Variants in KRIT1 observed in about 807,000 individuals in gnomAD.
KRIT1 encodes the protein KRIT1 ankyrin repeat containing.
In KRIT1, 45 loss-of-function variants were observed where a neutral mutation model predicts 95.8. That is an observed-to-expected ratio of 0.47 (90% CI 0.37 to 0.60). The LOEUF is 0.60. KRIT1 is among the 20% of genes least tolerant of loss of function. The pLI is 0.00. For missense variants in KRIT1, 788 were observed against 877.5 expected, an observed-to-expected ratio of 0.90 and a Z score of 1.29; for synonymous variants, 282 against 278.8, an observed-to-expected ratio of 1.01 and a Z score of -0.11.
intron 1 of KRIT1, chr7:92,245,488 G>C (rs1276394938): frequency 6.6e-6 from 1 of 150,952 alleles, no homozygotes; most frequent in East Asian, 1.9e-4. Flanking sequence ...CGCTGGAGTC[G>C]AACTTGCTCC....
At chr7:92,224,388 G>C (rs1795785940) in intron 12 of KRIT1, among the ~76,000 whole-genome samples, 1 of 151,954 alleles carries the variant, frequency 6.6e-6, no homozygotes, top group Admixed American at 6.6e-5. Flanking sequence ...CCTAAGCCTA[G>C]AAGGTTGAGG....
chr7:92,225,642 T>C lies in KRIT1; in HGVS notation c.1254+78A>G, dbSNP rs1051563141. 6 of 863,636 alleles carry C rather than the reference T, an allele frequency of 6.9e-6. No individual in the cohort carries two copies. In the African/African-American group the frequency reaches 1.0e-4, roughly 14 times the overall value. The allele number at this position is 863,636 out of a possible 1,614,324, so 53.5% of individuals were successfully genotyped here. Reference sequence around the variant, plus strand: ...AGAAGCCATCTAATCGTCTTTCCACTCTTGCCACAGATCCTCAAATTTAAA... The same window carrying C: ...AGAAGCCATCTAATCGTCTTTCCACCCTTGCCACAGATCCTCAAATTTAAA... On this transcript the variant is annotated intron_variant, in intron 12 of 18. Coordinates refer to ENST00000394505, the MANE Select transcript of KRIT1 (RefSeq NM_194454.3).
intron 14 of KRIT1, among the ~76,000 whole-genome samples, chr7:92,220,265 C>A (rs1252205366): frequency 6.6e-6 from 1 of 152,148 alleles, no homozygotes; most frequent in African/African-American, 2.4e-5. Flanking sequence ...AAATGCCTTT[C>A]TGCATCAATT....
At chr7:92,208,545 A>G (rs1792066554) in intron 17 of KRIT1, among the ~76,000 whole-genome samples, 1 of 152,158 alleles carries the variant, frequency 6.6e-6, no homozygotes, top group Admixed American at 6.5e-5. Context: ...CTGAGACCAC[A>G]GAAATAACAA....
Position 92,221,886 on chromosome 7 carries a change from A to G in KRIT1, c.1563+16T>C. On this transcript the variant is annotated intron_variant, in intron 14 of 18. Transcript: ENST00000394505. ...TTGTGCATTTAAATAACTGTAAATA[A>G]GATTTCCAAGCAAACCTGTTTTTCA... 5.0e-6 allele frequency: 8 copies of G among 1,609,478 alleles called. No homozygotes were observed. The highest frequency in any genetic ancestry group is 6.8e-6 in the Non-Finnish European group (8 of 1,176,668).
intron 8 of KRIT1, 56 bp from the exon 9 acceptor site, chr7:92,234,979 T>G (rs769800044): frequency 3.6e-6 from 3 of 828,414 alleles, no homozygotes; most frequent in Non-Finnish European, 4.2e-6. Context: ...TCTTAATGTT[T>G]ACATGTTTAT....
chr7:92,214,469 A>AT (rs1312330183), intron 15 of KRIT1, 142 bp downstream of exon 15: 3 of 652,064 alleles, frequency 4.6e-6, no homozygotes, highest in Admixed American at 6.1e-5. Context: ...TTAGTATAAT[A>AT]TTTTTTCTCA....
chr7:92,239,307 T>C (rs1799078968), intron 5 of KRIT1, among the ~76,000 whole-genome samples: 1 of 152,230 alleles, frequency 6.6e-6, no homozygotes, highest in Non-Finnish European at 1.5e-5. Context: ...TAAATGGACC[T>C]AGTGGCTGAG....
At position 92,234,722 on chromosome 7, in the gene KRIT1, C is replaced by T. The variant is rs1798032374; in HGVS notation, c.845+86G>A. On this transcript the variant is annotated intron_variant, in intron 9 of 18. Transcript: ENST00000394505. ...AACTCAATAGTGACTACAATGCATA[C>T]AAATTGCATATATAATTTTAAACAA... 3.6e-6 allele frequency: 4 copies of T among 1,096,466 alleles called. No individual in the cohort carries two copies. In the Admixed American group the frequency reaches 6.8e-5, roughly 19 times the overall value. The allele number at this position is 1,096,466 out of a possible 1,614,324, so 67.9% of individuals were successfully genotyped here.
intron 17 of KRIT1, chr7:92,206,938 C>CAAAAA (rs199771149): frequency 1.9e-4 from 14 of 73,760 alleles, no homozygotes; most frequent in African/African-American, 3.6e-4. Context: ...CCCAGGCAGA[C>CAAAAA]AAAAAAAAAA....
chr7:92,235,437 G>C lies in KRIT1; in HGVS notation c.695C>G (p.Pro232Arg). The C allele has an allele frequency of 6.2e-7, 1 of 1,613,722 alleles. No individual in the cohort carries two copies. Among genetic ancestry groups the C allele is most frequent in the Non-Finnish European group, 8.5e-7 (1 of 1,179,706 alleles). The change falls in exon 8 of 19, where the codon CCT (proline) becomes CGT (arginine). Residue 232 changes from proline (P) to arginine (R), a missense_variant. Pro to Arg is a moderately radical substitution (Grantham distance 103). Around this residue, in one of 3 missense-constraint regions of KRIT1, gnomAD observed 289 missense variants for 277.5 expected, o/e 1.04. Coordinates refer to ENST00000394505, the MANE Select transcript of KRIT1 (RefSeq NM_194454.3). ...ATACTGAAGATCTGATCCAAACAAA[G>C]GGTTGTAAATACAGGTATCTGCTTT... ...LEKADTCIYN[P>R]LFGSDLQYTN...
At position 92,200,780 on chromosome 7, in the gene KRIT1, T is replaced by TTG; in HGVS notation, c.2166_2167insCA (p.Met723GlnfsTer2). 6.2e-7 allele frequency: 1 copy of TTG among 1,608,540 alleles called. No individual in the cohort carries two copies. Reference sequence around the variant, plus strand: ...GGCATTAACTGTCCATTTAGCTTCATTAACAGTTTTACCACGAGACCAGCC... The same window carrying TTG: ...GGCATTAACTGTCCATTTAGCTTCATTGTAACAGTTTTACCACGAGACCAGCC... On this transcript the variant is annotated frameshift_variant, in exon 19 of 19. Coordinates refer to ENST00000394505, the MANE Select transcript of KRIT1 (RefSeq NM_194454.3). LOFTEE classifies it high-confidence loss of function.
chr7:92,231,028 C>T (rs1407772432), intron 10 of KRIT1, among the ~76,000 whole-genome samples: 1 of 152,126 alleles, frequency 6.6e-6, no homozygotes, highest in African/African-American at 2.4e-5. Flanking sequence ...CAAATCATCA[C>T]AGTTTGAAAA....
chr7:92,234,515 A>T lies in KRIT1; in HGVS notation c.923T>A (p.Leu308His), dbSNP rs1326921627. 6.2e-7 allele frequency: 1 copy of T among 1,611,726 alleles called. No homozygotes were observed. The highest frequency in any genetic ancestry group is 1.7e-5 in the Admixed American group (1 of 60,032). Residue 308 changes from leucine to histidine, a missense_variant, in exon 10 of 19, where the codon CTC (leucine) becomes CAC (histidine). Transcript: ENST00000394505. ...EGDSELLSRL[L>H]SERFSVNQLD... is the part of the protein sequence containing the mutation. ...CTGGTTGACTGAAAATCTTTCACTG[A>T]GAAGACGGCTTAGTAATTCTGAATC... is the stretch of plus-strand genomic sequence containing the variant.
intron 11 of KRIT1, 63 bp downstream of exon 11, chr7:92,226,463 T>C (rs532153187): frequency 8.4e-7 from 1 of 1,191,888 alleles, no homozygotes. Context: ...TTTAACATTT[T>C]AGTGTCATTA....
Position 92,222,009 on chromosome 7 carries a change from C to T in KRIT1, c.1456G>A (p.Asp486Asn), listed in dbSNP as rs779089104. The T allele has an allele frequency of 6.8e-6, 11 of 1,613,544 alleles. No homozygotes were observed. The highest frequency in any genetic ancestry group is 1.3e-5 in the African/African-American group (1 of 74,916). ...AATTCAGCAAGTATTTCTGGCCAGT[C>T]ACGAACATGTTGCAAGGGTTTATGA... is the stretch of plus-strand genomic sequence containing the variant. ...PYHKPLQHVRDWPEILAELTN... is the reference protein window; with the variant it reads ...PYHKPLQHVRNWPEILAELTN... The change falls in exon 14 of 19, where the codon GAC becomes AAC. Residue 486 changes from aspartate to asparagine, a missense_variant. Around this residue, in one of 3 missense-constraint regions of KRIT1, gnomAD observed 493 missense variants for 582.3 expected, o/e 0.85. Coordinates refer to ENST00000394505, the MANE Select transcript of KRIT1 (RefSeq NM_194454.3).
Position 92,235,563 on chromosome 7 carries a change from A to G in KRIT1, c.569T>C (p.Val190Ala). 1 of 1,613,968 alleles carries G rather than the reference A, an allele frequency of 6.2e-7. No individual in the cohort carries two copies. The highest frequency in any genetic ancestry group is 8.5e-7 in the Non-Finnish European group (1 of 1,179,884). ...PSPLERIKTNVINPAYATESG... is the reference protein window; with the variant it reads ...PSPLERIKTNAINPAYATESG... ...TTCAGTAGCATATGCAGGATTTATG[A>G]CATTAGTTTTTATCCGCTCAAGAGG... The change falls in exon 8 of 19, where the codon GTC (valine) becomes GCC (alanine). Residue 190 changes from valine (V) to alanine (A), a missense_variant. By Grantham distance (64) the Val-to-Ala change is moderately conservative. This residue lies in a region of KRIT1 where 289 missense variants were observed against 277.5 expected (regional missense o/e 1.04). Transcript: ENST00000394505.
At chr7:92,213,170 T>G in intron 17 of KRIT1, 25 bp downstream of exon 17, 1 of 1,488,020 alleles carries the variant, frequency 6.7e-7, no homozygotes, top group African/African-American at 1.4e-5. Context: ...ATGACATGAT[T>G]GGTAAAAAAG....
intron 10 of KRIT1, among the ~76,000 whole-genome samples, chr7:92,229,772 A>T (rs1401451017): frequency 6.6e-6 from 1 of 152,016 alleles, no homozygotes; most frequent in Admixed American, 6.6e-5. Context: ...GTTTATCCAC[A>T]CCTCTTCTCT....
Sources: gnomAD v4.1 joint callset for allele counts (sites outside exome capture counted in the v4.1 genomes callset) on GRCh38, gnomAD v4.1.1 for gene constraint, gnomAD v4.1.1 regional missense constraint, MANE v1.5 for transcripts, NCBI Gene and HGNC (gene_info 2026-07-23, HGNC 2026-07-21) for gene names.